Variants in PLEKHM3 observed in about 807,000 individuals in gnomAD.
The protein encoded by PLEKHM3 is pleckstrin homology domain-containing family M member 3.
Under a neutral mutation model 81.8 loss-of-function variants are expected in PLEKHM3, and 45 were observed. The ratio of observed to expected loss-of-function variants is 0.55; its 90% CI spans 0.43 to 0.71. The LOEUF is 0.71. PLEKHM3 is among the 30% of genes least tolerant of loss of function. PLEKHM3 has a pLI of 0.00. For missense variants in PLEKHM3, 788 were observed against 924.3 expected (o/e 0.85, Z 1.91); for synonymous variants, 352 against 356.4 (o/e 0.99, Z 0.14).
At chr2:208,012,359 A>G (rs1692731617) in intron 1 of PLEKHM3, among the ~76,000 whole-genome samples, 1 of 152,202 alleles carries the variant, frequency 6.6e-6, no homozygotes, top group Non-Finnish European at 1.5e-5. Flanking sequence ...TAATGGGACT[A>G]TTTTAAAGAT....
At chr2:208,022,440 T>C (rs1188708393) in intron 1 of PLEKHM3, among the ~76,000 whole-genome samples, 1 of 152,230 alleles carries the variant, frequency 6.6e-6, no homozygotes, top group Non-Finnish European at 1.5e-5. Flanking sequence ...GTGGCCAGGC[T>C]GGGCTCTTAT....
At chr2:207,960,617 G>A (rs1209263240) in intron 3 of PLEKHM3, among the ~76,000 whole-genome samples, 1 of 152,218 alleles carries the variant, frequency 6.6e-6, no homozygotes, top group Non-Finnish European at 1.5e-5. Context: ...CTGCAAGGAT[G>A]GTGGCCCACA....
chr2:208,008,513 A>C (rs1457096358), intron 1 of PLEKHM3, among the ~76,000 whole-genome samples: 1 of 149,868 alleles, frequency 6.7e-6, no homozygotes, highest in African/African-American at 2.4e-5. Context: ...AAAAAAAAAA[A>C]AAAAAAAAAA....
intron 3 of PLEKHM3, among the ~76,000 whole-genome samples, chr2:207,968,859 A>C (rs1458886880): frequency 6.6e-6 from 1 of 152,230 alleles, no homozygotes; most frequent in Non-Finnish European, 1.5e-5. Context: ...AGAAGGCAAC[A>C]ATACGCTAAA....
At position 208,001,249 on chromosome 2, in the gene PLEKHM3, G is replaced by A. The variant is rs763269668; in HGVS notation, c.391C>T (p.Arg131Cys). 13 of 1,614,168 alleles carry A rather than the reference G, an allele frequency of 8.1e-6. No homozygotes were observed. Among genetic ancestry groups the A allele is most frequent in the Admixed American group, 1.7e-5 (1 of 60,018 alleles). Residue 131 changes from arginine to cysteine, a missense_variant, in exon 2 of 8, where the codon CGT becomes TGT. Coordinates refer to ENST00000427836, the MANE Select transcript of PLEKHM3 (RefSeq NM_001080475.3). Reference sequence around the variant, plus strand: ...TCATCCAGTAAGTCATTTACAGAACGAGGCCGGTCCCTCCGACGCTGACAG... The same window carrying A: ...TCATCCAGTAAGTCATTTACAGAACAAGGCCGGTCCCTCCGACGCTGACAG... The part of the protein sequence containing the change: ...NICQRRRDRP[R>C]SVNDLLDETS...
intron 7 of PLEKHM3, among the ~76,000 whole-genome samples, chr2:207,859,512 T>C (rs887730222): frequency 6.6e-6 from 1 of 152,184 alleles, no homozygotes; most frequent in Non-Finnish European, 1.5e-5. Flanking sequence ...CATTCATCAG[T>C]TGATAGACAA....
intron 3 of PLEKHM3, among the ~76,000 whole-genome samples, chr2:207,951,947 T>A (rs1394487958): frequency 6.6e-6 from 1 of 152,184 alleles, no homozygotes; most frequent in African/African-American, 2.4e-5. Flanking sequence ...TGTGGCTGGA[T>A]CCAACTGAAT....
intron 6 of PLEKHM3, among the ~76,000 whole-genome samples, chr2:207,867,857 T>C (rs111735806): frequency 2.6e-5 from 4 of 152,250 alleles, no homozygotes; most frequent in African/African-American, 9.6e-5. Flanking sequence ...GGCCATATTA[T>C]ACAAATACTA....
chr2:207,924,254 A>C (rs1319432625), intron 5 of PLEKHM3, among the ~76,000 whole-genome samples: 11 of 151,940 alleles, frequency 7.2e-5, no homozygotes. Context: ...TGAAGTGGGG[A>C]TGTCCAGTAC....
chr2:207,905,071 T>C (rs1373726869), intron 6 of PLEKHM3, among the ~76,000 whole-genome samples: 3 of 152,214 alleles, frequency 2.0e-5, no homozygotes. Flanking sequence ...TAAGAGCTAA[T>C]GGGAAAAATC....
At chr2:207,860,151 CTGTGTGTGTGTGTGTGTGTGTGTG>C (rs55739776) in intron 7 of PLEKHM3, among the ~76,000 whole-genome samples, 3 of 110,758 alleles carry the variant, frequency 2.7e-5, no homozygotes, top group East Asian at 3.3e-4. Context: ...AACTCTGCCT[CTGTGTGTGTGTGTGTGTGTGTGTG>C]TGTGTGTGTG....
At chr2:207,906,330 C>T (rs1306784518) in intron 6 of PLEKHM3, among the ~76,000 whole-genome samples, 1 of 152,180 alleles carries the variant, frequency 6.6e-6, no homozygotes. Context: ...CAGCAGACCA[C>T]TGCTGCTTGA....
At chr2:207,847,608 A>G (rs1200616990) in intron 7 of PLEKHM3, among the ~76,000 whole-genome samples, 1 of 152,204 alleles carries the variant, frequency 6.6e-6, no homozygotes, top group African/African-American at 2.4e-5. Flanking sequence ...ATAATTCTAA[A>G]ACACAAGCGA....
At chr2:207,868,735 T>A (rs2092516371) in intron 6 of PLEKHM3, 1 of 152,196 alleles carries the variant, frequency 6.6e-6, no homozygotes, top group African/African-American at 2.4e-5. Flanking sequence ...TTTAAACACT[T>A]GAGATTTACA....
At chr2:207,945,429 C>T (rs1019507836) in intron 4 of PLEKHM3, among the ~76,000 whole-genome samples, 2 of 152,118 alleles carry the variant, frequency 1.3e-5, no homozygotes, top group African/African-American at 4.8e-5. Context: ...CTCACTTGCT[C>T]TCCTTTTTAA....
chr2:208,004,875 A>T (rs1692446903), intron 1 of PLEKHM3, among the ~76,000 whole-genome samples: 1 of 151,700 alleles, frequency 6.6e-6, no homozygotes, highest in Non-Finnish European at 1.5e-5. Flanking sequence ...CCCAGGCTAG[A>T]GTGAAGTGGC....
chr2:207,888,630 G>A (rs553900792), intron 6 of PLEKHM3, among the ~76,000 whole-genome samples: 9 of 152,212 alleles, frequency 5.9e-5, no homozygotes, highest in South Asian at 4.1e-4. Flanking sequence ...TCCTGACCTC[G>A]TGATCTGCCC....
intron 5 of PLEKHM3, among the ~76,000 whole-genome samples, chr2:207,909,712 T>C (rs1311153318): frequency 6.6e-6 from 1 of 152,220 alleles, no homozygotes; most frequent in East Asian, 1.9e-4. Flanking sequence ...ACAGGGTATA[T>C]GCCTGGGTAG....
chr2:207,870,840 G>A (rs751706847), intron 6 of PLEKHM3, among the ~76,000 whole-genome samples: 1 of 152,192 alleles, frequency 6.6e-6, no homozygotes, highest in Non-Finnish European at 1.5e-5. Context: ...GGATGTGGGG[G>A]CTGATGCCTG....
Sources: gnomAD v4.1 joint callset for allele counts (sites outside exome capture counted in the v4.1 genomes callset) on GRCh38, gnomAD v4.1.1 for gene constraint, MANE v1.5 for transcripts, NCBI Gene and HGNC (gene_info 2026-07-23, HGNC 2026-07-21) for gene names.